ZNF461: variants seen among roughly 807,000 people sequenced by gnomAD.
The protein encoded by ZNF461 is gonadotropin-inducible ovarian transcription factor-1.
In ZNF461, 16 loss-of-function variants were observed where a neutral mutation model predicts 18.3. The ratio of observed to expected loss-of-function variants is 0.88; its 90% CI spans 0.59 to 1.33. The LOEUF is 1.33. Ranked by LOEUF, ZNF461 falls within the 40% of genes most tolerant of loss-of-function variation. The pLI, the probability that ZNF461 is intolerant of heterozygous loss-of-function variation, is 0.00. For synonymous variants in ZNF461, 179 were observed against 216.9 expected (o/e 0.83, Z 1.54); for missense variants, 595 against 669.9 (o/e 0.89, Z 1.23).
At chr19:36,642,186 C>T (rs1467798040) in intron 5 of ZNF461, among the ~76,000 whole-genome samples, 1 of 152,168 alleles carries the variant, frequency 6.6e-6, no homozygotes, top group African/African-American at 2.4e-5. Context: ...CCTGCCTCAG[C>T]CCCTCGAAGT....
Position 36,650,864 on chromosome 19 carries a change from TA to T in ZNF461, c.232+5583del, listed in dbSNP as rs397697165. ...TGATCACATCAATACTCATTCATATTAAAAAAAAAAAAAACCTCCCAGAGCA... is the reference window on the plus strand; with the variant it reads ...TGATCACATCAATACTCATTCATATTAAAAAAAAAAAAACCTCCCAGAGCA... On this transcript the variant is annotated intron_variant, in intron 4 of 5. Coordinates refer to ENST00000588268, the MANE Select transcript of ZNF461 (RefSeq NM_153257.5). Among the ~76,000 whole-genome samples, 78 of 141,338 alleles carry T rather than the reference TA, an allele frequency of 5.5e-4. No individual in the cohort carries two copies. The East Asian group carries it at 6.1e-3, about 11-fold the overall frequency. 92.7% of individuals were successfully genotyped at this position (141,338 alleles called of 152,430 possible).
Position 36,639,178 on chromosome 19 carries a change from T to C in ZNF461, c.1167A>G (p.Glu389=). The change falls in exon 6 of 6, where the codon GAA becomes GAG. Residue 389 remains glutamate, a synonymous_variant. Transcript: ENST00000588268. The part of the protein sequence containing the change: ...HTGEKPYECR[E]CGKAFSYHSS... ...AGTGATAGCTAAAGGCCTTCCCACA[T>C]TCCCGACATTCATAGGGTTTCTCAC... The C allele has an allele frequency of 6.2e-7, 1 of 1,614,138 alleles. No individual in the cohort carries two copies. The highest frequency in any genetic ancestry group is 8.5e-7 in the Non-Finnish European group (1 of 1,180,014).
chr19:36,660,315 A>C (rs2145413082), intron 2 of ZNF461, among the ~76,000 whole-genome samples: 1 of 151,642 alleles, frequency 6.6e-6, no homozygotes, highest in East Asian at 1.9e-4. Flanking sequence ...GCACCCGGCT[A>C]GTTTTTGTAT....
intron 3 of ZNF461, chr19:36,658,096 A>C: frequency 3.6e-6 from 2 of 550,422 alleles, no homozygotes; most frequent in South Asian, 5.6e-5. Context: ...AAAGGACCAA[A>C]AGAACGTGTA....
At position 36,637,894 on chromosome 19, in the gene ZNF461, A is replaced by AT. The variant is rs1310841199; in HGVS notation, c.*758dup. The AT allele has an allele frequency of 2.7e-6, 1 of 367,706 alleles. No homozygotes were observed. Among genetic ancestry groups the AT allele is most frequent in the South Asian group, 2.1e-5 (1 of 48,372 alleles). 22.8% of individuals were successfully genotyped at this position (367,706 alleles called of 1,614,324 possible). Reference sequence around the variant, plus strand: ...ATGTTAGGGGAGAATTAATTTTCACATTTTTGGTAATTTTTGAATTTTTAT... The same window carrying AT: ...ATGTTAGGGGAGAATTAATTTTCACATTTTTTGGTAATTTTTGAATTTTTAT... On this transcript the variant is annotated 3_prime_UTR_variant, in exon 6 of 6. Transcript: ENST00000588268.
At chr19:36,656,312 T>C (rs1600438268) in intron 4 of ZNF461, 136 bp downstream of exon 4, 1 of 763,344 alleles carries the variant, frequency 1.3e-6, no homozygotes, top group East Asian at 2.6e-5. Flanking sequence ...AGTACCACAC[T>C]GTTTGATTAC....
intron 2 of ZNF461, among the ~76,000 whole-genome samples, chr19:36,663,516 A>ATTTTT (rs753269882): frequency 1.5e-5 from 2 of 129,890 alleles, no homozygotes; most frequent in African/African-American, 2.8e-5. Context: ...TTATTATGTA[A>ATTTTT]TTTTTTTTTT....
At chr19:36,658,667 T>C in intron 2 of ZNF461, 1 of 365,112 alleles carries the variant, frequency 2.7e-6, no homozygotes, top group Non-Finnish European at 4.9e-6. Context: ...TGTTAATCAG[T>C]CATCTCAAAA....
chr19:36,663,789 C>T (rs2037857536), intron 2 of ZNF461, among the ~76,000 whole-genome samples: 1 of 152,124 alleles, frequency 6.6e-6, no homozygotes, highest in Non-Finnish European at 1.5e-5. Flanking sequence ...CTCAGCCTCT[C>T]AAAGTGCTAG....
chr19:36,666,096 T>G (rs1390828356), intron 1 of ZNF461, among the ~76,000 whole-genome samples: 4 of 84,754 alleles, frequency 4.7e-5, no homozygotes, highest in African/African-American at 1.4e-4. Flanking sequence ...TGTTTTTTTG[T>G]TTTTTTTTTT....
rs1381810819 is a variant in ZNF461 at position 36,661,096 on chromosome 19, C to T, written c.10-2671G>A. On this transcript the variant is annotated intron_variant, in intron 2 of 5. Coordinates refer to ENST00000588268, the MANE Select transcript of ZNF461 (RefSeq NM_153257.5). ...TTTGAGACCAGCCTGGGTAACAAAG[C>T]GAGATCGCATCTCTACAAAAAAATT... Among the ~76,000 whole-genome samples, 5 of 151,862 alleles carry T rather than the reference C, an allele frequency of 3.3e-5. No individual in the cohort carries two copies. The East Asian group carries it at 5.8e-4, about 18-fold the overall frequency.
chr19:36,637,778 T>G lies in ZNF461; in HGVS notation c.*875A>C, dbSNP rs1456850258. On this transcript the variant is annotated 3_prime_UTR_variant, in exon 6 of 6. Coordinates refer to ENST00000588268, the MANE Select transcript of ZNF461 (RefSeq NM_153257.5). ...AATAACCTACTTTTGTCCAAAGAAT[T>G]TATGAAATTTACATGAAATATTCCC... The G allele has an allele frequency of 4.8e-6, 2 of 412,744 alleles. No individual in the cohort carries two copies. Among genetic ancestry groups the G allele is most frequent in the Admixed American group, 6.2e-5 (2 of 32,046 alleles). The allele number at this position is 412,744 out of a possible 1,614,324, so 25.6% of individuals were successfully genotyped here.
chr19:36,639,672 T>C lies in ZNF461; in HGVS notation c.673A>G (p.Thr225Ala). 6.2e-7 allele frequency: 1 copy of C among 1,613,902 alleles called. No individual in the cohort carries two copies. Among genetic ancestry groups the C allele is most frequent in the Non-Finnish European group, 8.5e-7 (1 of 1,179,830 alleles). Residue 225 changes from threonine (T) to alanine (A), a missense_variant, in exon 6 of 6, where the codon ACA becomes GCA. Transcript: ENST00000588268. ...AGGCATGGTGTATTAACAATTTCTG[T>C]GCATTCTTTACATTCAGAAAGTTCT... ...SKELSECKEC[T>A]EIVNTPCLFK...
At chr19:36,646,355 C>T (rs2037528633) in intron 4 of ZNF461, among the ~76,000 whole-genome samples, 1 of 152,140 alleles carries the variant, frequency 6.6e-6, no homozygotes, top group South Asian at 2.1e-4. Context: ...AGGTCTCGAA[C>T]TCCTGACCTC....
intron 3 of ZNF461, chr19:36,657,991 C>A: frequency 3.5e-6 from 1 of 282,586 alleles, no homozygotes; most frequent in Non-Finnish European, 6.6e-6. Flanking sequence ...GGAAGTGAAA[C>A]AAAAGACAGA....
At chr19:36,662,560 C>T (rs1226185630) in intron 2 of ZNF461, among the ~76,000 whole-genome samples, 1 of 152,048 alleles carries the variant, frequency 6.6e-6, no homozygotes, top group Non-Finnish European at 1.5e-5. Context: ...TGGCCAGGGT[C>T]CTGCTTTAAC....
At position 36,638,725 on chromosome 19, in the gene ZNF461, A is replaced by G; in HGVS notation, c.1620T>C (p.His540=). 1 of 1,613,922 alleles carries G rather than the reference A, an allele frequency of 6.2e-7. No individual in the cohort carries two copies. Among genetic ancestry groups the G allele is most frequent in the Non-Finnish European group, 8.5e-7 (1 of 1,179,842 alleles). ...AFNHRLQLNL[H]QTLHTGEKPV... ...GCTTCTCGCCAGTATGAAGAGTCTG[A>G]TGTAAGTTAAGTTGTAATCTATGAT... Residue 540 remains histidine, a synonymous_variant, in exon 6 of 6, where the codon CAT becomes CAC. Coordinates refer to ENST00000588268, the MANE Select transcript of ZNF461 (RefSeq NM_153257.5).
chr19:36,659,692 A>C (rs536787747), intron 2 of ZNF461, among the ~76,000 whole-genome samples: 1 of 152,310 alleles, frequency 6.6e-6, no homozygotes, highest in Non-Finnish European at 1.5e-5. Context: ...CACACCTGAG[A>C]GGTCTTAACT....
At chr19:36,666,087 G>GTT (rs1344537915) in intron 1 of ZNF461, among the ~76,000 whole-genome samples, 156 of 139,456 alleles carry the variant, frequency 1.1e-3, no homozygotes, top group Non-Finnish European at 1.7e-3. Flanking sequence ...TAACGTGAAT[G>GTT]TTTTTTTGTT....
Sources: gnomAD v4.1 joint callset for allele counts (sites outside exome capture counted in the v4.1 genomes callset) on GRCh38, gnomAD v4.1.1 for gene constraint, MANE v1.5 for transcripts, NCBI Gene and HGNC (gene_info 2026-07-23, HGNC 2026-07-21) for gene names.